Variants in PIEZO2 observed in about 807,000 individuals in gnomAD.
PIEZO2 encodes the protein piezo type mechanosensitive ion channel component 2.
PIEZO2 carries 172 observed loss-of-function variants against 337.3 expected under a neutral mutation model. The observed-to-expected ratio is 0.51, with a 90% CI of 0.45 to 0.58. The LOEUF (loss-of-function observed/expected upper bound fraction) is 0.58. PIEZO2 is among the 20% of genes least tolerant of loss of function. The probability of loss-of-function intolerance (pLI) is 0.00; values close to 1 mark genes in which losing one functional copy is unlikely to be tolerated. For missense variants in PIEZO2, 3,028 were observed against 3,391.3 expected (o/e 0.89, Z 2.66); for synonymous variants, 1,251 against 1,228.5 (o/e 1.02, Z -0.38).
Position 10,762,643 on chromosome 18 carries a change from T to C in PIEZO2, c.3124-18A>G. The C allele has an allele frequency of 6.5e-7, 1 of 1,531,404 alleles. No individual in the cohort carries two copies. The highest frequency in any genetic ancestry group is 8.7e-7 in the Non-Finnish European group (1 of 1,145,406). 94.9% of individuals were successfully genotyped at this position (1,531,404 alleles called of 1,614,324 possible). A position where few individuals can be genotyped will look rare whatever the true frequency, so the allele number is the denominator to read the frequency against. ...TCATTTGGCTAAAAAGAAGAGAAAATGGAGTAAAAAAAAATAGCTCCACAG... is the reference window on the plus strand; with the variant it reads ...TCATTTGGCTAAAAAGAAGAGAAAACGGAGTAAAAAAAAATAGCTCCACAG... On this transcript the variant is annotated intron_variant, in intron 22 of 55. Coordinates refer to ENST00000674853, the MANE Select transcript of PIEZO2 (RefSeq NM_001378183.1).
chr18:10,934,351 G>T (rs975279218), intron 3 of PIEZO2, among the ~76,000 whole-genome samples: 2 of 152,142 alleles, frequency 1.3e-5, no homozygotes, highest in African/African-American at 4.8e-5. Flanking sequence ...ATCACCAGGC[G>T]CAGAAGCAGG....
chr18:10,906,134 A>T (rs2029902288), intron 4 of PIEZO2, among the ~76,000 whole-genome samples: 1 of 152,122 alleles, frequency 6.6e-6, no homozygotes, highest in Non-Finnish European at 1.5e-5. Context: ...ACACTGAAGG[A>T]AAAAAAACTA....
At chr18:10,875,709 G>A (rs1461135253) in intron 4 of PIEZO2, among the ~76,000 whole-genome samples, 1 of 152,198 alleles carries the variant, frequency 6.6e-6, no homozygotes, top group African/African-American at 2.4e-5. Flanking sequence ...ACAACAGACA[G>A]AGCAGGAAAG....
chr18:10,958,379 A>G (rs1358712659), intron 3 of PIEZO2, among the ~76,000 whole-genome samples: 1 of 151,952 alleles, frequency 6.6e-6, no homozygotes, highest in East Asian at 1.9e-4. Flanking sequence ...GGGTAAAGGG[A>G]GGGGAAGTTG....
At chr18:11,007,590 A>T (rs918173780) in intron 2 of PIEZO2, among the ~76,000 whole-genome samples, 13 of 152,200 alleles carry the variant, frequency 8.5e-5, no homozygotes, top group African/African-American at 3.1e-4. Context: ...TGAAAGTCTT[A>T]AGATGGAGAG....
At chr18:10,967,011 GTTTTTTGTTTTT>G (rs1185198946) in intron 3 of PIEZO2, among the ~76,000 whole-genome samples, 8 of 109,392 alleles carry the variant, frequency 7.3e-5, no homozygotes, top group Non-Finnish European at 1.3e-4. Flanking sequence ...CATTTTCTCT[GTTTTTTGTTTTT>G]TTTTTTTTTT....
chr18:10,852,768 G>T (rs923752085), intron 7 of PIEZO2, among the ~76,000 whole-genome samples: 1 of 152,126 alleles, frequency 6.6e-6, no homozygotes, highest in African/African-American at 2.4e-5. Context: ...TTCTGGCACC[G>T]TCTTCACCTA....
In PIEZO2 at chr18:11,130,673, C is replaced by T. The variant is rs574654926; in HGVS notation, c.64+17852G>A. Reference sequence around the variant, plus strand: ...CTTCAGGTAAAACTAAATTTTACCTCAGTACAATTTCTAGGGGTCCAGTGG... The same window carrying T: ...CTTCAGGTAAAACTAAATTTTACCTTAGTACAATTTCTAGGGGTCCAGTGG... On this transcript the variant is annotated intron_variant, in intron 1 of 55. Coordinates refer to ENST00000674853, the MANE Select transcript of PIEZO2 (RefSeq NM_001378183.1). 2.0e-5 allele frequency among the ~76,000 whole-genome samples: 3 copies of T among 152,282 alleles called. No homozygotes were observed. The East Asian group carries it at 5.8e-4, about 29-fold the overall frequency.
At position 10,857,223 on chromosome 18, in the gene PIEZO2, A is replaced by G; in HGVS notation, c.493-12T>C. The G allele has an allele frequency of 6.5e-7, 1 of 1,536,434 alleles. No individual in the cohort carries two copies. The highest frequency in any genetic ancestry group is 8.7e-7 in the Non-Finnish European group (1 of 1,146,086). ...TTTTCTCCTTCAGCCTAAATAAATGACAAACAGGAAACACTCAAGTCCAGG... is the reference window on the plus strand; with the variant it reads ...TTTTCTCCTTCAGCCTAAATAAATGGCAAACAGGAAACACTCAAGTCCAGG... On this transcript the variant is annotated splice_polypyrimidine_tract_variant and intron_variant, in intron 5 of 55. Transcript: ENST00000674853.
chr18:10,746,432 TCTGA>T lies in PIEZO2; in HGVS notation c.4424+2035_4424+2038del, dbSNP rs772565601. Among the ~76,000 whole-genome samples the T allele has an allele frequency of 2.7e-4, 41 of 152,160 alleles. No individual in the cohort carries two copies. The highest frequency in any genetic ancestry group is 3.1e-4 in the Non-Finnish European group (21 of 68,040). ...CTGGGCTGCTTCCCCTGCCTTCTCC[TCTGA>T]CTAACTCCTCTTCATCCTTCAGCCT... is the stretch of plus-strand genomic sequence containing the variant. On this transcript the variant is annotated intron_variant, in intron 30 of 55. Coordinates refer to ENST00000674853, the MANE Select transcript of PIEZO2 (RefSeq NM_001378183.1). This position sits in a 1 kb window ranked among gnomAD's most constrained non-coding sequence, Gnocchi z 4.2.
At chr18:10,680,433 C>A (rs2034214639) in intron 51 of PIEZO2, 62 bp from the exon 52 acceptor site, 4 of 1,437,268 alleles carry the variant, frequency 2.8e-6, no homozygotes, top group Non-Finnish European at 3.8e-6. Flanking sequence ...ATAAAGAAAG[C>A]AGTCACTCTT....
In PIEZO2 at chr18:10,819,224, A is replaced by G. The variant is rs1274678765; in HGVS notation, c.918-11950T>C. On this transcript the variant is annotated intron_variant, in intron 7 of 55. Transcript: ENST00000674853. The surrounding 1 kb of genome is among the most constrained non-coding windows in gnomAD (Gnocchi z 4.3). ...ATGGGTAATTTAACAGTGGATTTGG[A>G]TAAAACTGGAGGCATTTGTATGATA... Among the ~76,000 whole-genome samples, 1 of 152,230 alleles carries G rather than the reference A, an allele frequency of 6.6e-6. No individual in the cohort carries two copies. The highest frequency in any genetic ancestry group is 2.4e-5 in the African/African-American group (1 of 41,462).
In PIEZO2 at chr18:10,715,144, A is replaced by G. The variant is rs9952935; in HGVS notation, c.5257-214T>C. 0.11 allele frequency among the ~76,000 whole-genome samples: 16,590 copies of G among 152,234 alleles called. 1,537 individuals are homozygous for G. The highest frequency in any genetic ancestry group is 0.23 in the African/African-American group (9,615 of 41,512). Reference sequence around the variant, plus strand: ...AGTAAATGTCTTCTTATAGGTAGATAATTTTGCCAAATCATAGTAACCTTT... The same window carrying G: ...AGTAAATGTCTTCTTATAGGTAGATGATTTTGCCAAATCATAGTAACCTTT... On this transcript the variant is annotated intron_variant, in intron 38 of 55. Transcript: ENST00000674853.
At chr18:10,807,042 A>G in intron 8 of PIEZO2, 70 bp downstream of exon 8, 1 of 1,409,282 alleles carries the variant, frequency 7.1e-7, no homozygotes, top group Admixed American at 2.1e-5. Context: ...AGAGAACAGG[A>G]GTGAATCATT....
intron 1 of PIEZO2, among the ~76,000 whole-genome samples, chr18:11,124,338 G>A (rs1405764872): frequency 6.6e-6 from 1 of 152,178 alleles, no homozygotes; most frequent in Non-Finnish European, 1.5e-5. Context: ...TGAAGACAAT[G>A]AATTCTTCCT....
rs563170217 is a variant in PIEZO2 at position 10,704,529 on chromosome 18, G to C, written c.6123C>G (p.Phe2041Leu). 1 of 1,537,236 alleles carries C rather than the reference G, an allele frequency of 6.5e-7. No individual in the cohort carries two copies. The highest frequency in any genetic ancestry group is 8.7e-7 in the Non-Finnish European group (1 of 1,146,926). ...AGACCATGTGGTTGAGGATGATCACGAAGTAGCACACCATCTCCGAGCGGG... is the reference window on the plus strand; with the variant it reads ...AGACCATGTGGTTGAGGATGATCACCAAGTAGCACACCATCTCCGAGCGGG... ...LVARSEMVCYFVIILNHMVSA... is the reference protein window; with the variant it reads ...LVARSEMVCYLVIILNHMVSA... Residue 2041 changes from phenylalanine to leucine, a missense_variant, in exon 42 of 56, where the codon TTC becomes TTG. Transcript: ENST00000674853.
chr18:10,905,813 T>G (rs567339976), intron 4 of PIEZO2, among the ~76,000 whole-genome samples: 11 of 152,244 alleles, frequency 7.2e-5, no homozygotes, highest in Admixed American at 2.6e-4. Context: ...ATTTCCCTAT[T>G]AAGAAGTCAT....
At chr18:10,849,096 A>G (rs183102482) in intron 7 of PIEZO2, among the ~76,000 whole-genome samples, 40 of 152,300 alleles carry the variant, frequency 2.6e-4, no homozygotes, top group African/African-American at 9.4e-4. Flanking sequence ...AACCTCTGCA[A>G]TCTCTGCCTC....
chr18:10,986,457 C>A (rs1029079083), intron 2 of PIEZO2, among the ~76,000 whole-genome samples: 1 of 151,902 alleles, frequency 6.6e-6, no homozygotes, highest in African/African-American at 2.4e-5. Context: ...ATGTTATACA[C>A]CACATTAACA....
Sources: gnomAD v4.1 joint callset for allele counts (sites outside exome capture counted in the v4.1 genomes callset) on GRCh38, gnomAD v4.1.1 for gene constraint, Gnocchi (gnomAD v3.1) non-coding constraint, MANE v1.5 for transcripts, NCBI Gene and HGNC (gene_info 2026-07-23, HGNC 2026-07-21) for gene names.